GPC5: variants seen among roughly 807,000 people sequenced by gnomAD.
The protein encoded by GPC5 is glypican-5.
Under a neutral mutation model 53.9 loss-of-function variants are expected in GPC5, and 47 were observed. The ratio of observed to expected loss-of-function variants is 0.87; its 90% CI spans 0.69 to 1.11. GPC5 has a LOEUF of 1.11. GPC5 is among the 50% of genes most tolerant of loss of function. GPC5 has a pLI of 0.00. For synonymous variants in GPC5, 286 were observed against 263.3 expected (o/e 1.09, Z -0.84); for missense variants, 748 against 713.1 (o/e 1.05, Z -0.56).
At chr13:92,739,223 G>A (rs1251819186) in intron 7 of GPC5, among the ~76,000 whole-genome samples, 3 of 152,030 alleles carry the variant, frequency 2.0e-5, no homozygotes, top group African/African-American at 4.8e-5. Flanking sequence ...ATATTTCAGA[G>A]TATTCATTGT....
intron 7 of GPC5, among the ~76,000 whole-genome samples, chr13:92,206,838 C>G (rs1045687429): frequency 9.9e-5 from 15 of 152,056 alleles, no homozygotes; most frequent in Non-Finnish European, 1.6e-4. Context: ...CATCATGTGA[C>G]CAAAATGTCT....
At chr13:91,826,265 GT>G (rs2138845203) in intron 5 of GPC5, among the ~76,000 whole-genome samples, 1 of 152,140 alleles carries the variant, frequency 6.6e-6, no homozygotes, top group Non-Finnish European at 1.5e-5. Flanking sequence ...GCACTTAAAG[GT>G]AAATATGTTT....
intron 6 of GPC5, among the ~76,000 whole-genome samples, chr13:91,927,334 A>G (rs895521269): frequency 6.6e-6 from 1 of 152,178 alleles, no homozygotes; most frequent in African/African-American, 2.4e-5. Context: ...CGGTCTTAAT[A>G]TCCTGGATTT....
At chr13:91,645,724 G>T (rs1233785889) in intron 2 of GPC5, among the ~76,000 whole-genome samples, 7 of 152,132 alleles carry the variant, frequency 4.6e-5, no homozygotes, top group Admixed American at 4.6e-4. Flanking sequence ...TGTATCTGTG[G>T]GATGCCCACT....
At chr13:91,470,783 G>A (rs1882573303) in intron 2 of GPC5, among the ~76,000 whole-genome samples, 2 of 152,084 alleles carry the variant, frequency 1.3e-5, no homozygotes, top group South Asian at 2.1e-4. Context: ...GCAAGCCTCT[G>A]TAAGAAACTG....
intron 7 of GPC5, among the ~76,000 whole-genome samples, chr13:92,771,162 T>G (rs1287707362): frequency 1.3e-5 from 2 of 152,066 alleles, no homozygotes; most frequent in Non-Finnish European, 2.9e-5. Context: ...GATAAAAGTC[T>G]GTCCCTTTAC....
At chr13:92,793,421 C>A (rs977692670) in intron 7 of GPC5, among the ~76,000 whole-genome samples, 1 of 151,980 alleles carries the variant, frequency 6.6e-6, no homozygotes. Flanking sequence ...TAAATGCACA[C>A]AAGAGGAAGC....
At chr13:92,749,395 A>C (rs2139322489) in intron 7 of GPC5, among the ~76,000 whole-genome samples, 1 of 152,274 alleles carries the variant, frequency 6.6e-6, no homozygotes, top group South Asian at 2.1e-4. Flanking sequence ...TATATACAAT[A>C]AACTTTCATT....
chr13:92,292,474 C>A (rs7999868), intron 7 of GPC5, among the ~76,000 whole-genome samples: 1 of 152,108 alleles, frequency 6.6e-6, no homozygotes, highest in South Asian at 2.1e-4. Flanking sequence ...ATTTGTGTAT[C>A]ATCTTTTGAG....
At chr13:91,723,298 C>T (rs974073481) in intron 3 of GPC5, among the ~76,000 whole-genome samples, 2 of 151,890 alleles carry the variant, frequency 1.3e-5, no homozygotes, top group African/African-American at 2.4e-5. Flanking sequence ...GATTTTCCTT[C>T]TGCCATTTAC....
chr13:92,294,823 T>C (rs1433942884), intron 7 of GPC5, among the ~76,000 whole-genome samples: 1 of 139,558 alleles, frequency 7.2e-6, no homozygotes, highest in Non-Finnish European at 1.5e-5. Context: ...CTTTTTTTTT[T>C]TTCTTTTTTT....
At chr13:92,410,229 G>C (rs769351227) in intron 7 of GPC5, among the ~76,000 whole-genome samples, 1 of 152,126 alleles carries the variant, frequency 6.6e-6, no homozygotes, top group Admixed American at 6.5e-5. Context: ...TAATTTTCAG[G>C]CTGGGCAGTA....
intron 2 of GPC5, among the ~76,000 whole-genome samples, chr13:91,556,553 G>GTA (rs1404004701): frequency 1.3e-5 from 2 of 150,036 alleles, no homozygotes; most frequent in African/African-American, 2.5e-5. Flanking sequence ...GTGTGTGTGT[G>GTA]TGTATATATA....
intron 5 of GPC5, among the ~76,000 whole-genome samples, chr13:91,774,421 C>T (rs1005745350): frequency 1.3e-5 from 2 of 152,122 alleles, no homozygotes; most frequent in African/African-American, 4.8e-5. Context: ...TGGGCTACCA[C>T]ATTAAAAATA....
intron 6 of GPC5, among the ~76,000 whole-genome samples, chr13:92,026,235 G>A (rs528183685): frequency 1.3e-5 from 2 of 151,930 alleles, no homozygotes; most frequent in Admixed American, 6.6e-5. Flanking sequence ...CATAACATAT[G>A]CAAATTATTA....
chr13:92,551,654 A>G (rs1172156396), intron 7 of GPC5, among the ~76,000 whole-genome samples: 1 of 151,946 alleles, frequency 6.6e-6, no homozygotes, highest in Non-Finnish European at 1.5e-5. Context: ...CTGGGGTGAA[A>G]CATAAGGGAT....
chr13:92,782,205 T>G (rs1355292452), intron 7 of GPC5, among the ~76,000 whole-genome samples: 3 of 152,116 alleles, frequency 2.0e-5, no homozygotes, highest in African/African-American at 4.8e-5. Context: ...TAGGATAATT[T>G]TGAACCAGTT....
chr13:91,574,858 G>A (rs536792667), intron 2 of GPC5, among the ~76,000 whole-genome samples: 2 of 152,226 alleles, frequency 1.3e-5, no homozygotes, highest in African/African-American at 2.4e-5. Context: ...CTAATGATTA[G>A]TTACAACACT....
chr13:91,909,988 C>G (rs140823691), intron 6 of GPC5, among the ~76,000 whole-genome samples: 92 of 152,188 alleles, frequency 6.0e-4, no homozygotes, highest in Non-Finnish European at 1.2e-3. Flanking sequence ...ATTATTCATG[C>G]TTAAGTTTCA....
Sources: gnomAD v4.1 joint callset for allele counts (sites outside exome capture counted in the v4.1 genomes callset) on GRCh38, gnomAD v4.1.1 for gene constraint, MANE v1.5 for transcripts, NCBI Gene and HGNC (gene_info 2026-07-23, HGNC 2026-07-21) for gene names.